Variants in PIP5K1C observed in about 807,000 individuals in gnomAD.
PIP5K1C encodes the protein phosphatidylinositol 4-phosphate 5-kinase type-1 gamma.
Under a neutral mutation model 80.1 loss-of-function variants are expected in PIP5K1C, and 45 were observed. That is an observed-to-expected ratio of 0.56 (90% CI 0.44 to 0.72). PIP5K1C has a LOEUF of 0.72. Ranked by LOEUF, PIP5K1C falls within the 30% of genes least tolerant of loss-of-function variation. The pLI is 0.00. For missense variants in PIP5K1C, 753 were observed against 954.6 expected (o/e 0.79, Z 2.78); for synonymous variants, 498 against 420.1 (o/e 1.19, Z -2.27).
chr19:3,644,910 C>T (rs1316392974), intron 11 of PIP5K1C, among the ~76,000 whole-genome samples: 1 of 152,362 alleles, frequency 6.6e-6, no homozygotes, highest in Admixed American at 6.5e-5. Context: ...CTCAGTTTGC[C>T]TTGTGCAGCT....
Position 3,695,954 on chromosome 19 carries a change from C to T in PIP5K1C, c.94+4343G>A, listed in dbSNP as rs1425121691. ...TATGTTGCTCCAGGCTGGTCTCAAACTCCTGAGATCAAGTGATCCTCCTGC... is the reference window on the plus strand; with the variant it reads ...TATGTTGCTCCAGGCTGGTCTCAAATTCCTGAGATCAAGTGATCCTCCTGC... On this transcript the variant is annotated intron_variant, in intron 1 of 17. Coordinates refer to ENST00000335312, the MANE Select transcript of PIP5K1C (RefSeq NM_012398.3). 5.3e-5 allele frequency among the ~76,000 whole-genome samples: 8 copies of T among 152,100 alleles called. No individual in the cohort carries two copies. The East Asian group carries it at 1.5e-3, about 29-fold the overall frequency.
chr19:3,668,856 C>T lies in PIP5K1C; in HGVS notation c.95-1503G>A, dbSNP rs530892270. ...CGTGGGAGCCGGAGGGAGTTCCAGG[C>T]GGAGGGAACGGCAGCACAAAGGTCA... On this transcript the variant is annotated intron_variant, in intron 1 of 17. Transcript: ENST00000335312. Among the ~76,000 whole-genome samples, 185 of 152,230 alleles carry T rather than the reference C, an allele frequency of 1.2e-3. 1 individual carries two copies. Among genetic ancestry groups the T allele is most frequent in the African/African-American group, 4.2e-3 (176 of 41,522 alleles).
intron 4 of PIP5K1C, 82 bp downstream of exon 4, chr19:3,661,786 AGAG>A: frequency 6.5e-7 from 1 of 1,543,048 alleles, no homozygotes; most frequent in Non-Finnish European, 8.9e-7. Context: ...TGCTTTCAGC[AGAG>A]AAGGGCGCTC....
intron 1 of PIP5K1C, among the ~76,000 whole-genome samples, chr19:3,673,209 CCTT>C (rs1400047632): frequency 6.6e-6 from 1 of 152,152 alleles, no homozygotes; most frequent in African/African-American, 2.4e-5. Flanking sequence ...TGTGTCATGG[CCTT>C]TGCACGAGCG....
intron 7 of PIP5K1C, 77 bp downstream of exon 7, chr19:3,653,213 C>A: frequency 7.0e-7 from 1 of 1,423,536 alleles, no homozygotes; most frequent in Non-Finnish European, 9.7e-7. Flanking sequence ...CCTCCCTGGC[C>A]CTGCCTGCCC....
At position 3,699,697 on chromosome 19, in the gene PIP5K1C, T is replaced by A. The variant is rs550134420; in HGVS notation, c.94+600A>T. ...GTCCAGGAAGCAGCTAAAGGGGGCA[T>A]GAGACAGCCGTGCCCCCCGCCCAGC... On this transcript the variant is annotated intron_variant, in intron 1 of 17. Transcript: ENST00000335312. 1.8e-4 allele frequency among the ~76,000 whole-genome samples: 28 copies of A among 152,180 alleles called. No homozygotes were observed. The East Asian group carries it at 4.3e-3, about 23-fold the overall frequency.
chr19:3,638,965 G>A lies in PIP5K1C; in HGVS notation c.1839C>T (p.Ala613=), dbSNP rs751916799. 1.2e-6 allele frequency: 2 copies of A among 1,612,232 alleles called. No individual in the cohort carries two copies. The highest frequency in any genetic ancestry group is 1.1e-5 in the South Asian group (1 of 91,066). Residue 613 remains alanine (A), a synonymous_variant, in exon 16 of 18, where the codon GCC becomes GCT. Transcript: ENST00000335312. ...CGCCCTCCTCGTCTGAGGCCTGGCT[G>A]GCAGTTTCTACTTCAACAGCAGCAG... ...GASAAVEVET[A]SQASDEEGAP...
chr19:3,691,543 G>T (rs563753662), intron 1 of PIP5K1C, among the ~76,000 whole-genome samples: 1 of 152,212 alleles, frequency 6.6e-6, no homozygotes, highest in African/African-American at 2.4e-5. Flanking sequence ...GCCAAGAGCC[G>T]CAAACAGTCG....
chr19:3,642,936 C>A lies in PIP5K1C; in HGVS notation c.1653G>T (p.Arg551=). The A allele has an allele frequency of 6.2e-7, 1 of 1,613,570 alleles. No individual in the cohort carries two copies. The highest frequency in any genetic ancestry group is 8.5e-7 in the Non-Finnish European group (1 of 1,179,850). ...CATCCTGTCCAGACGACTGTGTGCG[C>A]CGCCTGCAGAGATACAGCAAACACG... The part of the protein sequence containing the change: ...SETSEQPRYR[R]RTQSSGQDGR... The change falls in exon 14 of 18, where the codon CGG becomes CGT. Residue 551 remains arginine (R), a synonymous_variant. Coordinates refer to ENST00000335312, the MANE Select transcript of PIP5K1C (RefSeq NM_012398.3).
intron 13 of PIP5K1C, 149 bp downstream of exon 13, chr19:3,643,094 C>G (rs1370755322): frequency 2.0e-6 from 3 of 1,471,050 alleles, no homozygotes; most frequent in Non-Finnish European, 2.8e-6. Flanking sequence ...GCTCCGCCCC[C>G]GCGCACCCAC....
chr19:3,700,153 C>T, intron 1 of PIP5K1C, 144 bp downstream of exon 1: 1 of 327,650 alleles, frequency 3.1e-6, no homozygotes, highest in Non-Finnish European at 4.6e-6. Context: ...CCCGCGGCTC[C>T]AGGGGACTGC....
At chr19:3,638,776 C>T in intron 16 of PIP5K1C, 108 bp downstream of exon 16, 2 of 1,465,274 alleles carry the variant, frequency 1.4e-6, no homozygotes, top group Non-Finnish European at 1.9e-6. Context: ...ACAGGGCACA[C>T]TCACGTGCCT....
chr19:3,653,987 TAC>T (rs903150525), intron 6 of PIP5K1C, among the ~76,000 whole-genome samples: 2 of 152,076 alleles, frequency 1.3e-5, no homozygotes, highest in Admixed American at 6.5e-5. Context: ...CACAAACACA[TAC>T]ACACACACGC....
In PIP5K1C at chr19:3,644,249, G is replaced by A. The variant is rs765761078; in HGVS notation, c.1348C>T (p.Leu450=). 50 of 1,611,724 alleles carry A rather than the reference G, an allele frequency of 3.1e-5. No homozygotes were observed. Among genetic ancestry groups the A allele is most frequent in the Non-Finnish European group, 4.0e-5 (47 of 1,179,618 alleles). Residue 450 remains leucine, a splice_region_variant and synonymous_variant, in exon 12 of 18, where the codon CTG becomes TTG. Transcript: ENST00000335312. ...SNTVFRKNSS[L]KSSPSKKGRG... ...CCCTTCTTGGAGGGCGAGGACTTCA[G>A]GGCTGCAGGGAAGGGTGGGGGTTGG... is the stretch of plus-strand genomic sequence containing the variant.
At position 3,639,132 on chromosome 19, in the gene PIP5K1C, C is replaced by T. The variant is rs1046767310; in HGVS notation, c.1788-116G>A. ...TACGGTCATCACGGAGATGAAAAGC[C>T]AGGCAGCTGACCACAGGCCGCGCGC... is the stretch of plus-strand genomic sequence containing the variant. On this transcript the variant is annotated intron_variant, in intron 15 of 17. Coordinates refer to ENST00000335312, the MANE Select transcript of PIP5K1C (RefSeq NM_012398.3). 1.2e-5 allele frequency: 16 copies of T among 1,295,242 alleles called. No homozygotes were observed. In the African/African-American group the frequency reaches 2.3e-4, roughly 19 times the overall value. The allele number at this position is 1,295,242 out of a possible 1,614,324, so 80.2% of individuals were successfully genotyped here.
intron 16 of PIP5K1C, 67 bp downstream of exon 16, chr19:3,638,817 C>A (rs527997605): frequency 6.2e-7 from 1 of 1,602,274 alleles, no homozygotes; most frequent in African/African-American, 1.3e-5. Context: ...GGTGTGCACA[C>A]GGTGGAGCGT....
Position 3,643,226 on chromosome 19 carries a change from G to A in PIP5K1C, c.1649+17C>T, listed in dbSNP as rs748687530. On this transcript the variant is annotated intron_variant, in intron 13 of 17. Transcript: ENST00000335312. ...AGCGGATGCCCCGCCCACATGCACT[G>A]CGGATGCCTCGCCCACCTGTACCGC... is the stretch of plus-strand genomic sequence containing the variant. The A allele has an allele frequency of 3.7e-6, 6 of 1,612,328 alleles. No individual in the cohort carries two copies. The highest frequency in any genetic ancestry group is 4.2e-6 in the Non-Finnish European group (5 of 1,179,846).
intron 16 of PIP5K1C, among the ~76,000 whole-genome samples, chr19:3,634,247 A>C (rs1334199219): frequency 6.8e-6 from 1 of 146,000 alleles, no homozygotes; most frequent in Admixed American, 6.8e-5. Context: ...GGAGGGAGGG[A>C]GGGTGCGTTC....
At position 3,651,835 on chromosome 19, in the gene PIP5K1C, G is replaced by A. The variant is rs371207684; in HGVS notation, c.1118C>T (p.Ser373Leu). 33 of 1,611,530 alleles carry A rather than the reference G, an allele frequency of 2.0e-5. No homozygotes were observed. Among genetic ancestry groups the A allele is most frequent in the South Asian group, 4.4e-5 (4 of 91,036 alleles). Reference sequence around the variant, plus strand: ...CCCCCCGCCCACCTACGTGTCATCCGATTCGATGGCCTCCCCGCGCGCGGC... The same window carrying A: ...CCCCCCGCCCACCTACGTGTCATCCAATTCGATGGCCTCCCCGCGCGCGGC... ...GGAARGEAIE[S>L]DDTMGGIPAV... The change falls in exon 8 of 18, where the codon TCG becomes TTG. Residue 373 changes from serine (S) to leucine (L), a missense_variant. Physicochemically the swap from Ser to Leu is moderately radical, Grantham distance 145 (BLOSUM62 -2). Around this residue, in one of 6 missense-constraint regions of PIP5K1C, gnomAD observed 114 missense variants for 152.4 expected, o/e 0.75. Transcript: ENST00000335312.
Sources: gnomAD v4.1 joint callset for allele counts (sites outside exome capture counted in the v4.1 genomes callset) on GRCh38, gnomAD v4.1.1 for gene constraint, gnomAD v4.1.1 regional missense constraint, MANE v1.5 for transcripts, NCBI Gene and HGNC (gene_info 2026-07-23, HGNC 2026-07-21) for gene names.